ABR: variants seen among roughly 807,000 people sequenced by gnomAD.
The protein encoded by ABR is ABR activator of RhoGEF and GTPase, also known as active breakpoint cluster region-related protein.
ABR carries 35 observed loss-of-function variants against 107.2 expected under a neutral mutation model. That is an observed-to-expected ratio of 0.33 (90% CI 0.25 to 0.43). ABR has a LOEUF of 0.43. Among genes scored for constraint, ABR ranks in the 20% least tolerant of loss-of-function variants. The pLI is 1.00. For missense variants in ABR, 815 were observed against 1,115.2 expected (o/e 0.73, Z 3.83); for synonymous variants, 498 against 462.0 (o/e 1.08, Z -1.00).
chr17:1,056,591 A>C (rs1039783778), intron 13 of ABR, among the ~76,000 whole-genome samples: 25 of 148,174 alleles, frequency 1.7e-4, no homozygotes, highest in African/African-American at 5.0e-4. Context: ...ACTGCTCAAA[A>C]CCCCCCCAGA....
chr17:1,038,431 C>T (rs2073363447), intron 16 of ABR, among the ~76,000 whole-genome samples: 1 of 152,222 alleles, frequency 6.6e-6, no homozygotes, highest in Non-Finnish European at 1.5e-5. Flanking sequence ...GCTGTGGGTT[C>T]GCCCTGGCAG....
chr17:1,012,212 G>A, intron 18 of ABR: 1 of 722,344 alleles, frequency 1.4e-6, no homozygotes, highest in East Asian at 2.7e-5. Context: ...GAAGCCTTGG[G>A]AACTTGGGAA....
At chr17:1,072,835 C>G in intron 7 of ABR, 81 bp from the exon 8 acceptor site, 3 of 1,488,558 alleles carry the variant, frequency 2.0e-6, no homozygotes, top group East Asian at 2.6e-5. Context: ...CAGTCCCCAT[C>G]CAAAGGGTGG....
At chr17:1,089,314 G>A (rs547960575) in intron 4 of ABR, among the ~76,000 whole-genome samples, 18 of 152,274 alleles carry the variant, frequency 1.2e-4, no homozygotes, top group Admixed American at 5.9e-4. Context: ...GATTACAGGC[G>A]TCAGCCACCA....
intron 16 of ABR, among the ~76,000 whole-genome samples, chr17:1,040,314 C>G (rs2030154886): frequency 6.6e-6 from 1 of 152,218 alleles, no homozygotes; most frequent in African/African-American, 2.4e-5. Context: ...GGCTCCGGCC[C>G]CACGTTCTCT....
At chr17:1,184,177 C>A (rs531308329), upstream of ABR, among the ~76,000 whole-genome samples, 1 of 151,090 alleles carries the variant, frequency 6.6e-6, no homozygotes, top group Non-Finnish European at 1.5e-5. Flanking sequence ...AAGCCAGAGC[C>A]GGGCACAGTT....
intron 5 of ABR, among the ~76,000 whole-genome samples, chr17:1,081,100 C>T (rs974604082): frequency 7.9e-5 from 12 of 152,176 alleles, no homozygotes; most frequent in African/African-American, 2.7e-4. Context: ...CAAGAGAAGA[C>T]CCCACACTCT....
chr17:1,048,463 A>G (rs1245500193), intron 16 of ABR, among the ~76,000 whole-genome samples: 1 of 152,388 alleles, frequency 6.6e-6, no homozygotes, highest in Admixed American at 6.5e-5. Context: ...ATCAGAGAAC[A>G]AATGCTTCCT....
At chr17:1,126,170 C>T (rs2039591822) in intron 1 of ABR, among the ~76,000 whole-genome samples, 1 of 152,190 alleles carries the variant, frequency 6.6e-6, no homozygotes, top group African/African-American at 2.4e-5. Context: ...GCCAGTGCAG[C>T]GAGCGGGGTG....
At chr17:1,181,761 G>C (rs1277816763), upstream of ABR, 1 of 152,190 alleles carries the variant, frequency 6.6e-6, no homozygotes, top group East Asian at 1.9e-4. Context: ...GTGGAAACGG[G>C]CGTGAGCTGC....
intron 1 of ABR, among the ~76,000 whole-genome samples, chr17:1,135,807 C>T (rs915067395): frequency 9.9e-5 from 15 of 152,046 alleles, no homozygotes; most frequent in African/African-American, 3.6e-4. Context: ...ACCCGGGAGG[C>T]GGAGGTTGCA....
At chr17:1,064,959 C>G (rs1597635443) in intron 10 of ABR, among the ~76,000 whole-genome samples, 1 of 95,620 alleles carries the variant, frequency 1.0e-5, no homozygotes, top group African/African-American at 3.9e-5. Context: ...GCATGTTCCT[C>G]TAGACACTGC....
chr17:1,018,303 A>C (rs1276578662), intron 16 of ABR, among the ~76,000 whole-genome samples: 3 of 152,112 alleles, frequency 2.0e-5, no homozygotes, highest in Non-Finnish European at 4.4e-5. Context: ...CGGCCTCCCA[A>C]AGTGCTGGGA....
At position 1,091,734 on chromosome 17, in the gene ABR, A is replaced by G. The variant is rs2037043928; in HGVS notation, c.462T>C (p.Tyr154=). ...QDIYEIHKEF[Y]DNLCPKVQQW... ...GTTGCACCTTGGGGCACAGGTTGTC[A>G]TAGAACTCCTTGTGGATCTCATAGA... Residue 154 remains tyrosine (Y), a synonymous_variant, in exon 4 of 23, where the codon TAT becomes TAC. Transcript: ENST00000302538. 1 of 1,614,078 alleles carries G rather than the reference A, an allele frequency of 6.2e-7. No homozygotes were observed. The highest frequency in any genetic ancestry group is 1.3e-5 in the African/African-American group (1 of 74,932).
At chr17:1,170,860 G>A (rs1436002246) in intron 1 of ABR, among the ~76,000 whole-genome samples, 2 of 152,098 alleles carry the variant, frequency 1.3e-5, no homozygotes, top group Non-Finnish European at 2.9e-5. Flanking sequence ...TTCTATCTAT[G>A]TCCCTCTACA....
intron 16 of ABR, among the ~76,000 whole-genome samples, chr17:1,023,683 A>G (rs898112637): frequency 1.3e-5 from 2 of 152,244 alleles, no homozygotes; most frequent in African/African-American, 4.8e-5. Flanking sequence ...AGGACCTGTC[A>G]GACCTCCATG....
intron 3 of ABR, among the ~76,000 whole-genome samples, chr17:1,094,362 A>G (rs2037254607): frequency 6.6e-6 from 1 of 150,516 alleles, no homozygotes; most frequent in African/African-American, 2.4e-5. Flanking sequence ...TCATGGTCCC[A>G]GACTGCAATT....
At chr17:1,162,073 C>T (rs937476327) in intron 1 of ABR, among the ~76,000 whole-genome samples, 1 of 152,188 alleles carries the variant, frequency 6.6e-6, no homozygotes, top group Admixed American at 6.5e-5. Context: ...TGCAATGTTG[C>T]AATTTCTCTT....
chr17:1,121,737 C>T (rs565714071), intron 2 of ABR, among the ~76,000 whole-genome samples: 3 of 150,600 alleles, frequency 2.0e-5, no homozygotes, highest in African/African-American at 7.4e-5. Context: ...GGGATGGGAG[C>T]TGAGTCCCCA....
Sources: allele counts gnomAD v4.1 joint callset (sites outside exome capture counted in the v4.1 genomes callset), GRCh38; gene constraint gnomAD v4.1.1; transcripts MANE v1.5; gene names NCBI Gene and HGNC (gene_info 2026-07-23, HGNC 2026-07-21).